The following ZFYVE16 variants were observed in gnomAD, a reference collection of about 807,000 sequenced individuals.
ZFYVE16 encodes the protein zinc finger FYVE domain-containing protein 16.
ZFYVE16 carries 89 observed loss-of-function variants against 138.1 expected under a neutral mutation model. That is an observed-to-expected ratio of 0.64 (90% CI 0.54 to 0.77). The LOEUF (loss-of-function observed/expected upper bound fraction) is 0.77. Ranked by LOEUF, ZFYVE16 falls within the 30% of genes least tolerant of loss-of-function variation. The probability of loss-of-function intolerance (pLI) is 0.00; values close to 1 mark genes in which losing one functional copy is unlikely to be tolerated. For synonymous variants in ZFYVE16, 596 were observed against 618.3 expected (o/e 0.96, Z 0.53); for missense variants, 1,793 against 1,786.7 (o/e 1.00, Z -0.06).
Position 80,436,691 on chromosome 5 carries a change from CAT to C in ZFYVE16, c.71-63_71-62del. ...TATTTAGTTTAGAAGTCTTGGGAAA[CAT>C]AATATGTTTAATAATTTTTATTTGA... On this transcript the variant is annotated intron_variant, in intron 3 of 18. Coordinates refer to ENST00000505560, the MANE Select transcript of ZFYVE16 (RefSeq NM_001284236.3). 3 of 1,393,360 alleles carry C rather than the reference CAT, an allele frequency of 2.2e-6. No individual in the cohort carries two copies. The South Asian group carries it at 4.4e-5, about 20-fold the overall frequency. 86.3% of individuals were successfully genotyped at this position (1,393,360 alleles called of 1,614,324 possible).
At position 80,436,886 on chromosome 5, in the gene ZFYVE16, C is replaced by T; in HGVS notation, c.201C>T (p.Ala67=). The T allele has an allele frequency of 6.2e-7, 1 of 1,614,042 alleles. No individual in the cohort carries two copies. Among genetic ancestry groups the T allele is most frequent in the Non-Finnish European group, 8.5e-7 (1 of 1,180,010 alleles). Residue 67 remains alanine, a synonymous_variant, in exon 4 of 19, where the codon GCC becomes GCT. Coordinates refer to ENST00000505560, the MANE Select transcript of ZFYVE16 (RefSeq NM_001284236.3). Reference sequence around the variant, plus strand: ...ACCAAGAGTGCGTTAATAGTTGTGCCTCATCAGAAACAAGCTATGGAACAA... The same window carrying T: ...ACCAAGAGTGCGTTAATAGTTGTGCTTCATCAGAAACAAGCTATGGAACAA... The part of the protein sequence containing the change: ...PKDQECVNSC[A]SSETSYGTNE...
chr5:80,408,359 C>T (rs1427304393), intron 1 of ZFYVE16, among the ~76,000 whole-genome samples: 3 of 152,228 alleles, frequency 2.0e-5, no homozygotes, highest in Admixed American at 6.5e-5. Context: ...ATGTCCCCTC[C>T]TGGAGCCTGA....
intron 7 of ZFYVE16, among the ~76,000 whole-genome samples, chr5:80,445,681 C>T (rs1751250673): frequency 6.6e-6 from 1 of 151,816 alleles, no homozygotes; most frequent in Non-Finnish European, 1.5e-5. Flanking sequence ...CCACTTCAGC[C>T]TCCCAAGTAG....
chr5:80,452,626 AT>A (rs1295805371), intron 11 of ZFYVE16, among the ~76,000 whole-genome samples: 1 of 152,146 alleles, frequency 6.6e-6, no homozygotes, highest in African/African-American at 2.4e-5. Flanking sequence ...ATTTTTCTAT[AT>A]CATAAAGCCA....
intron 15 of ZFYVE16, 51 bp from the exon 16 acceptor site, chr5:80,472,710 A>G: frequency 3.8e-6 from 6 of 1,560,666 alleles, no homozygotes; most frequent in Non-Finnish European, 5.2e-6. Context: ...TGGCTTAGAT[A>G]TACACATTGG....
At chr5:80,415,291 C>A (rs1746040605) in intron 1 of ZFYVE16, among the ~76,000 whole-genome samples, 1 of 152,170 alleles carries the variant, frequency 6.6e-6, no homozygotes, top group Non-Finnish European at 1.5e-5. Flanking sequence ...TTATTAACAT[C>A]TTAGATTAAT....
chr5:80,433,867 GGTAA>G (rs1435256549), intron 2 of ZFYVE16, among the ~76,000 whole-genome samples: 1 of 152,016 alleles, frequency 6.6e-6, no homozygotes, highest in Non-Finnish European at 1.5e-5. Context: ...GAGTTATTTA[GGTAA>G]GTGTTTAAAA....
At chr5:80,426,199 GTGGT>G (rs1464938645) in intron 1 of ZFYVE16, among the ~76,000 whole-genome samples, 47 of 89,412 alleles carry the variant, frequency 5.3e-4, no homozygotes, top group African/African-American at 1.1e-3. Context: ...ATGTGTGTGT[GTGGT>G]GTGTGTGTGT....
chr5:80,410,954 A>G (rs1318699732), intron 1 of ZFYVE16, among the ~76,000 whole-genome samples: 3 of 148,836 alleles, frequency 2.0e-5, no homozygotes, highest in African/African-American at 7.4e-5. Flanking sequence ...TTTTTTTTTA[A>G]ATTTATTTTA....
At chr5:80,448,909 C>T (rs989638390) in intron 8 of ZFYVE16, among the ~76,000 whole-genome samples, 2 of 152,066 alleles carry the variant, frequency 1.3e-5, no homozygotes, top group African/African-American at 4.8e-5. Flanking sequence ...GGCTAACCCC[C>T]ACCCCAGAGT....
intron 4 of ZFYVE16, among the ~76,000 whole-genome samples, 170 bp downstream of exon 4, chr5:80,439,177 T>C (rs1428279760): frequency 6.6e-6 from 1 of 152,214 alleles, no homozygotes; most frequent in East Asian, 1.9e-4. Context: ...TTTTGCAGAT[T>C]GCTTGATGGT....
intron 5 of ZFYVE16, chr5:80,440,944 T>G (rs1454498346): frequency 2.0e-6 from 2 of 985,280 alleles, no homozygotes; most frequent in African/African-American, 3.5e-5. Flanking sequence ...GATGTGAGTC[T>G]GTTAGCCTGA....
chr5:80,434,685 G>A (rs1000805098), intron 3 of ZFYVE16, among the ~76,000 whole-genome samples: 3 of 151,928 alleles, frequency 2.0e-5, no homozygotes, highest in African/African-American at 7.3e-5. Flanking sequence ...TGCCCAGGCT[G>A]GTCTCGAATT....
intron 6 of ZFYVE16, chr5:80,443,698 G>A (rs1580247302): frequency 2.2e-6 from 1 of 456,864 alleles, no homozygotes; most frequent in East Asian, 6.9e-5. Flanking sequence ...GAGTCTAGCA[G>A]CTGTATCTGT....
At position 80,482,106 on chromosome 5, in the gene ZFYVE16, C is replaced by G. The variant is rs1755292597; in HGVS notation, c.*4729C>G. On this transcript the variant is annotated 3_prime_UTR_variant, in exon 19 of 19. Coordinates refer to ENST00000505560, the MANE Select transcript of ZFYVE16 (RefSeq NM_001284236.3). Reference sequence around the variant, plus strand: ...AAAGTGCTGGGATTACAGGCATAAGCCAGCACACCTGGCCGTTAAACTAGT... The same window carrying G: ...AAAGTGCTGGGATTACAGGCATAAGGCAGCACACCTGGCCGTTAAACTAGT... Among the ~76,000 whole-genome samples the G allele has an allele frequency of 6.6e-6, 1 of 152,250 alleles. No individual in the cohort carries two copies. The highest frequency in any genetic ancestry group is 2.4e-5 in the African/African-American group (1 of 41,472).
chr5:80,469,351 C>A (rs984716395), intron 15 of ZFYVE16, among the ~76,000 whole-genome samples: 11 of 152,002 alleles, frequency 7.2e-5, no homozygotes, highest in Admixed American at 7.2e-4. Flanking sequence ...AAGTGATCCT[C>A]CTTCCTCAGC....
intron 2 of ZFYVE16, among the ~76,000 whole-genome samples, chr5:80,432,457 A>G (rs954425538): frequency 3.3e-5 from 5 of 152,214 alleles, no homozygotes; most frequent in Admixed American, 1.3e-4. Flanking sequence ...AAAGACTTAA[A>G]TGTTAGACCT....
In ZFYVE16 at chr5:80,437,841, G is replaced by T; in HGVS notation, c.1156G>T (p.Gly386Ter). The T allele has an allele frequency of 4.3e-6, 7 of 1,613,916 alleles. No homozygotes were observed. The highest frequency in any genetic ancestry group is 5.9e-6 in the Non-Finnish European group (7 of 1,179,954). Residue 386 changes from glycine (G) to a stop codon, truncating the protein, a stop_gained, in exon 4 of 19, where the codon GGA becomes TGA. Transcript: ENST00000505560. LOFTEE classifies it high-confidence loss of function. ...TCTTCCTGCGTCTGGGTCTATGTGT[G>T]GATCATTAATTGAAAGTAAAGCACG... ...SCLPASGSMC[G>*]SLIESKARGD...
intron 1 of ZFYVE16, among the ~76,000 whole-genome samples, chr5:80,408,888 T>C (rs259054): frequency 0.86 from 130,850 of 152,216 alleles, 57,401 homozygotes; most frequent in Non-Finnish European, 0.94. Flanking sequence ...TTCAATCAGA[T>C]TCCTCCATTT....
Sources: gnomAD v4.1 joint callset for allele counts (sites outside exome capture counted in the v4.1 genomes callset) on GRCh38, gnomAD v4.1.1 for gene constraint, MANE v1.5 for transcripts, NCBI Gene and HGNC (gene_info 2026-07-23, HGNC 2026-07-21) for gene names.